STK31: variants seen among roughly 807,000 people sequenced by gnomAD.
The protein encoded by STK31 is serine/threonine-protein kinase 31.
In STK31, 89 loss-of-function variants were observed where a neutral mutation model predicts 129.7. The ratio of observed to expected loss-of-function variants is 0.69; its 90% CI spans 0.58 to 0.82. The LOEUF (loss-of-function observed/expected upper bound fraction) is 0.82, where lower values mean the gene tolerates loss of function less well. STK31 is among the 40% of genes least tolerant of loss of function. STK31 has a pLI of 0.00. For missense variants in STK31, 1,187 were observed against 1,176.4 expected (o/e 1.01, Z -0.13); for synonymous variants, 448 against 395.3 (o/e 1.13, Z -1.58).
intron 23 of STK31, among the ~76,000 whole-genome samples, chr7:23,830,201 T>C (rs1210561795): frequency 1.3e-5 from 2 of 152,204 alleles, no homozygotes; most frequent in Non-Finnish European, 2.9e-5. Flanking sequence ...TTTTAAAGTT[T>C]TAGTACAGCT....
At chr7:23,831,324 C>A (rs1207362144) in intron 23 of STK31, among the ~76,000 whole-genome samples, 1 of 152,072 alleles carries the variant, frequency 6.6e-6, no homozygotes, top group Non-Finnish European at 1.5e-5. Flanking sequence ...TTGTTACATT[C>A]TCTTGCTGAA....
chr7:23,739,974 A>G (rs1787958692), intron 8 of STK31, among the ~76,000 whole-genome samples: 1 of 152,144 alleles, frequency 6.6e-6, no homozygotes, highest in Non-Finnish European at 1.5e-5. Flanking sequence ...TTGGTTCCAT[A>G]TGAAATTTAA....
At chr7:23,830,268 AT>A (rs1402014579) in intron 23 of STK31, among the ~76,000 whole-genome samples, 1 of 150,822 alleles carries the variant, frequency 6.6e-6, no homozygotes, top group Non-Finnish European at 1.5e-5. Flanking sequence ...GATCCTTTGT[AT>A]TTTTTTTAGT....
intron 8 of STK31, among the ~76,000 whole-genome samples, chr7:23,746,007 C>T (rs529906375): frequency 4.6e-5 from 7 of 152,296 alleles, no homozygotes; most frequent in South Asian, 4.1e-4. Context: ...TACCTCTTCG[C>T]GGGTACTTGC....
At chr7:23,798,401 A>G (rs10215814) in intron 22 of STK31, among the ~76,000 whole-genome samples, 107,105 of 141,784 alleles carry the variant, frequency 0.76, 41,270 homozygotes, top group African/African-American at 0.88. Flanking sequence ...GCTTATCCAC[A>G]ACAATCAAGT....
intron 8 of STK31, among the ~76,000 whole-genome samples, chr7:23,751,775 C>A (rs1221195928): frequency 1.3e-5 from 2 of 152,130 alleles, no homozygotes; most frequent in Non-Finnish European, 2.9e-5. Context: ...ATTGTTGGAT[C>A]TTTTTGATGA....
chr7:23,776,864 C>A (rs1233203649), intron 15 of STK31, among the ~76,000 whole-genome samples: 1 of 152,030 alleles, frequency 6.6e-6, no homozygotes, highest in Non-Finnish European at 1.5e-5. Flanking sequence ...CTTCTACTAG[C>A]TTTTGAATTA....
chr7:23,785,719 C>A (rs1584444063), intron 18 of STK31, 116 bp downstream of exon 18: 3 of 1,335,066 alleles, frequency 2.2e-6, no homozygotes, highest in East Asian at 5.0e-5. Flanking sequence ...TATAAGTTGA[C>A]TGGCATGATA....
intron 4 of STK31, among the ~76,000 whole-genome samples, chr7:23,725,232 T>C (rs777008929): frequency 1.3e-5 from 2 of 151,942 alleles, no homozygotes; most frequent in African/African-American, 2.4e-5. Flanking sequence ...CAGTTGAGAA[T>C]GTATGATTTA....
intron 8 of STK31, among the ~76,000 whole-genome samples, chr7:23,747,826 G>T (rs1394756811): frequency 6.6e-6 from 1 of 152,056 alleles, no homozygotes; most frequent in Non-Finnish European, 1.5e-5. Flanking sequence ...TTTCATTTCT[G>T]ATACTGGCAA....
chr7:23,758,037 A>G (rs1789211334), intron 10 of STK31, among the ~76,000 whole-genome samples: 1 of 152,216 alleles, frequency 6.6e-6, no homozygotes, highest in Non-Finnish European at 1.5e-5. Flanking sequence ...CGTAGGGAGC[A>G]CAGGGTTGGG....
At chr7:23,813,126 C>A (rs2128126524) in intron 22 of STK31, among the ~76,000 whole-genome samples, 1 of 125,544 alleles carries the variant, frequency 8.0e-6, no homozygotes, top group African/African-American at 3.0e-5. Flanking sequence ...TCAGGCTGAG[C>A]AGATTGTATT....
chr7:23,728,940 T>C (rs1374973997), intron 5 of STK31, 151 bp from the exon 6 acceptor site: 3 of 563,586 alleles, frequency 5.3e-6, no homozygotes, highest in African/African-American at 1.9e-5. Context: ...TTTGAAGATA[T>C]TAGAAATCTG....
At chr7:23,809,573 A>G (rs1308612938) in intron 22 of STK31, among the ~76,000 whole-genome samples, 1 of 152,206 alleles carries the variant, frequency 6.6e-6, no homozygotes, top group African/African-American at 2.4e-5. Flanking sequence ...GGAACCTGCT[A>G]ATACGAAAAG....
Position 23,786,643 on chromosome 7 carries a change from T to G in STK31, c.2400+10T>G, listed in dbSNP as rs780724278. On this transcript the variant is annotated intron_variant, in intron 19 of 23. Transcript: ENST00000355870. ...CCTGTTTTTATGTAAGGTAAAGTTC[T>G]TATGCTAATCTCTTGCAGAAACCAT... 1.9e-6 allele frequency: 3 copies of G among 1,608,858 alleles called. No homozygotes were observed. Among genetic ancestry groups the G allele is most frequent in the Non-Finnish European group, 2.5e-6 (3 of 1,178,710 alleles).
chr7:23,773,441 A>G (rs1392056616), intron 15 of STK31, among the ~76,000 whole-genome samples: 9 of 152,076 alleles, frequency 5.9e-5, no homozygotes, highest in Admixed American at 5.9e-4. Context: ...CCACTCAATC[A>G]TTGGTGGGCA....
chr7:23,826,051 G>A (rs1007988599), intron 23 of STK31, among the ~76,000 whole-genome samples: 1 of 152,146 alleles, frequency 6.6e-6, no homozygotes, highest in African/African-American at 2.4e-5. Context: ...GTGTGGTGTG[G>A]TGCTGAAAAG....
chr7:23,756,903 T>C (rs951469259), intron 10 of STK31, among the ~76,000 whole-genome samples: 2 of 152,192 alleles, frequency 1.3e-5, no homozygotes, highest in African/African-American at 4.8e-5. Flanking sequence ...AGTATTTTAT[T>C]GAGGATTTTC....
At position 23,712,294 on chromosome 7, in the gene STK31, G is replaced by A. The variant is rs748974592; in HGVS notation, c.150+8G>A. ...GTAACATTTTGGGCCCAGGTAAATA[G>A]CAAACTGGTTGATATCCCCCCTCAC... On this transcript the variant is annotated splice_region_variant and intron_variant, in intron 3 of 23. Coordinates refer to ENST00000355870, the MANE Select transcript of STK31 (RefSeq NM_031414.5). 2.5e-6 allele frequency: 4 copies of A among 1,613,922 alleles called. No homozygotes were observed. The highest frequency in any genetic ancestry group is 4.5e-5 in the East Asian group (2 of 44,848).
Sources: gnomAD v4.1 joint callset for allele counts (sites outside exome capture counted in the v4.1 genomes callset) on GRCh38, gnomAD v4.1.1 for gene constraint, MANE v1.5 for transcripts, NCBI Gene and HGNC (gene_info 2026-07-23, HGNC 2026-07-21) for gene names.